The following GUCY2C variants were observed in gnomAD, a reference collection of about 807,000 sequenced individuals.
GUCY2C encodes guanylate cyclase 2C, also known as guanylyl cyclase C.
Under a neutral mutation model 131.1 loss-of-function variants are expected in GUCY2C, and 118 were observed. The observed-to-expected ratio is 0.90, with a 90% CI of 0.78 to 1.05. GUCY2C has a LOEUF of 1.05. Among genes scored for constraint, GUCY2C ranks in the 50% least tolerant of loss-of-function variants. GUCY2C has a pLI of 0.00. For missense variants in GUCY2C, 1,161 were observed against 1,304.4 expected (o/e 0.89, Z 1.69); for synonymous variants, 452 against 457.8 (o/e 0.99, Z 0.16).
chr12:14,683,610 A>G (rs1409407978), intron 3 of GUCY2C, among the ~76,000 whole-genome samples: 7 of 151,988 alleles, frequency 4.6e-5, no homozygotes, highest in South Asian at 2.1e-4. Flanking sequence ...TGTAAAGCCA[A>G]AAAGATGCCA....
At chr12:14,657,682 T>C (rs891852275) in intron 11 of GUCY2C, among the ~76,000 whole-genome samples, 2 of 152,180 alleles carry the variant, frequency 1.3e-5, no homozygotes, top group African/African-American at 4.8e-5. Context: ...ATCCAGGTTG[T>C]GCACTCCTTA....
In GUCY2C at chr12:14,614,971, C is replaced by T. The variant is rs749848252; in HGVS notation, c.2971-28G>A. The T allele has an allele frequency of 3.0e-5, 40 of 1,336,358 alleles. 1 individual carries two copies. The highest frequency in any genetic ancestry group is 4.9e-5 in the East Asian group (2 of 40,632). 82.8% of individuals were successfully genotyped at this position (1,336,358 alleles called of 1,614,324 possible). The stretch of plus-strand genomic sequence containing the variant: ...GGTAAGACAAAAGAGTTACGTACCA[C>T]GGAGTCCAAGGAGTCAGTTCAGTTG... On this transcript the variant is annotated intron_variant, in intron 25 of 26. Coordinates refer to ENST00000261170, the MANE Select transcript of GUCY2C (RefSeq NM_004963.4).
At chr12:14,625,731 C>T (rs1238666146) in intron 21 of GUCY2C, 26 bp downstream of exon 21, 1 of 1,610,108 alleles carries the variant, frequency 6.2e-7, no homozygotes, top group Non-Finnish European at 8.5e-7. Flanking sequence ...GGATTTCAGC[C>T]TCCACATCAG....
At chr12:14,673,789 TA>T (rs773092314) in intron 8 of GUCY2C, among the ~76,000 whole-genome samples, 2 of 152,172 alleles carry the variant, frequency 1.3e-5, no homozygotes, top group African/African-American at 2.4e-5. Flanking sequence ...AGAGTGCATA[TA>T]AAGTGCCTGG....
chr12:14,696,465 G>T lies in GUCY2C; in HGVS notation c.-17C>A. 6.3e-7 allele frequency: 1 copy of T among 1,595,654 alleles called. No individual in the cohort carries two copies. The highest frequency in any genetic ancestry group is 1.1e-5 in the South Asian group (1 of 90,646). On this transcript the variant is annotated 5_prime_UTR_variant, in exon 1 of 27. Transcript: ENST00000261170. ...CGTCTTCATGACCCCAATCACGTTAGAACCATACTCCTTGTGCCCACTTGC... is the reference window on the plus strand; with the variant it reads ...CGTCTTCATGACCCCAATCACGTTATAACCATACTCCTTGTGCCCACTTGC...
In GUCY2C at chr12:14,613,400, T is replaced by G; in HGVS notation, c.3048-109A>C. 1 of 812,644 alleles carries G rather than the reference T, an allele frequency of 1.2e-6. No individual in the cohort carries two copies. The highest frequency in any genetic ancestry group is 2.1e-6 in the Non-Finnish European group (1 of 480,822). 50.3% of individuals were successfully genotyped at this position (812,644 alleles called of 1,614,324 possible). A position where few individuals can be genotyped will look rare whatever the true frequency, so the allele number is the denominator to read the frequency against. On this transcript the variant is annotated intron_variant, in intron 26 of 26. Coordinates refer to ENST00000261170, the MANE Select transcript of GUCY2C (RefSeq NM_004963.4). This position sits in a 1 kb window ranked among gnomAD's most constrained non-coding sequence, Gnocchi z 4.9. ...TAGTCAGTTACTCTTTGAATGCCTA[T>G]TCTGTGCTAGACACAGGAAATCCAA...
At chr12:14,689,749 C>A (rs996868177) in intron 1 of GUCY2C, among the ~76,000 whole-genome samples, 1 of 152,128 alleles carries the variant, frequency 6.6e-6, no homozygotes, top group African/African-American at 2.4e-5. Flanking sequence ...AATGTTAAAT[C>A]CAAAATTTAT....
Position 14,678,599 on chromosome 12 carries a change from A to G in GUCY2C, c.830+1058T>C, listed in dbSNP as rs559922566. 4.2e-4 allele frequency among the ~76,000 whole-genome samples: 64 copies of G among 152,328 alleles called. 2 individuals carry two copies. The South Asian group carries it at 0.013, about 30-fold the overall frequency. On this transcript the variant is annotated intron_variant, in intron 6 of 26. Coordinates refer to ENST00000261170, the MANE Select transcript of GUCY2C (RefSeq NM_004963.4). ...ACCTTCATGAACGTGTAGCCATCAA[A>G]CAGGCCTGCAGTTCCTATACTTCAT...
chr12:14,672,272 A>G (rs369890125), intron 9 of GUCY2C: 5 of 152,302 alleles, frequency 3.3e-5, no homozygotes, highest in African/African-American at 9.6e-5. Flanking sequence ...CCAGCCGTCA[A>G]TGGTGTGCCA....
Position 14,681,402 on chromosome 12 carries a change from A to T in GUCY2C, c.687T>A (p.Asp229Glu), listed in dbSNP as rs1466621758. The change falls in exon 5 of 27, where the codon GAT (aspartate) becomes GAA (glutamate). Residue 229 changes from aspartate (D) to glutamate (E), a missense_variant. Transcript: ENST00000261170. Reference sequence around the variant, plus strand: ...CCATTAAGATATCCTGAAACTCCTTATCTTGTCTTAACACCACCTTAAAGC... The same window carrying T: ...CCATTAAGATATCCTGAAACTCCTTTTCTTGTCTTAACACCACCTTAAAGC... ...ELGFKVVLRQ[D>E]KEFQDILMDH... 3 of 1,612,274 alleles carry T rather than the reference A, an allele frequency of 1.9e-6. No individual in the cohort carries two copies. The highest frequency in any genetic ancestry group is 2.2e-5 in the South Asian group (2 of 91,032).
chr12:14,648,150 CG>C (rs1249685786), intron 15 of GUCY2C, among the ~76,000 whole-genome samples: 2 of 151,648 alleles, frequency 1.3e-5, no homozygotes, highest in East Asian at 3.9e-4. Flanking sequence ...TTATTAGAGA[CG>C]GGGTTTCACT....
At chr12:14,620,782 A>G (rs2136980090) in intron 23 of GUCY2C, among the ~76,000 whole-genome samples, 1 of 152,110 alleles carries the variant, frequency 6.6e-6, no homozygotes, top group East Asian at 1.9e-4. Flanking sequence ...TAGGAGTCCA[A>G]AGCTTCTTGT....
At chr12:14,691,249 A>C (rs192887714) in intron 1 of GUCY2C, among the ~76,000 whole-genome samples, 70 of 152,304 alleles carry the variant, frequency 4.6e-4, no homozygotes, top group Non-Finnish European at 8.2e-4. Context: ...GGACTAGCCA[A>C]ATAGGAGACT....
intron 10 of GUCY2C, among the ~76,000 whole-genome samples, chr12:14,664,265 C>G (rs1947925068): frequency 6.6e-6 from 1 of 152,154 alleles, no homozygotes; most frequent in African/African-American, 2.4e-5. Flanking sequence ...ATCACTATCA[C>G]CACTATTGCC....
chr12:14,622,173 C>A lies in GUCY2C; in HGVS notation c.2433G>T (p.Glu811Asp). Residue 811 changes from glutamate to aspartate, a missense_variant, in exon 22 of 27, where the codon GAG (glutamate) becomes GAT (aspartate). Transcript: ENST00000261170. ...ATAGTTCCGGCTCCACAAAGCCTTT[C>A]TCCTTCAGAGACTTTACCACTAGCC... ...LPRLVVKSLK[E>D]KGFVEPELYE... 3 of 1,572,952 alleles carry A rather than the reference C, an allele frequency of 1.9e-6. No individual in the cohort carries two copies. Among genetic ancestry groups the A allele is most frequent in the Non-Finnish European group, 2.6e-6 (3 of 1,163,724 alleles).
chr12:14,689,887 G>A (rs1234625475), intron 1 of GUCY2C, among the ~76,000 whole-genome samples: 2 of 152,204 alleles, frequency 1.3e-5, no homozygotes, highest in African/African-American at 4.8e-5. Flanking sequence ...CCCTCAGGAA[G>A]TTCCCTGCAG....
At chr12:14,693,970 C>A (rs1948617528) in intron 1 of GUCY2C, among the ~76,000 whole-genome samples, 1 of 152,192 alleles carries the variant, frequency 6.6e-6, no homozygotes, top group Non-Finnish European at 1.5e-5. Context: ...ACAATAAGAA[C>A]AACTACATTA....
chr12:14,659,252 C>T (rs950018851), intron 11 of GUCY2C, among the ~76,000 whole-genome samples: 5 of 152,096 alleles, frequency 3.3e-5, no homozygotes, highest in African/African-American at 1.2e-4. Context: ...ACCATGTTGG[C>T]CAGGCTGGTC....
intron 1 of GUCY2C, among the ~76,000 whole-genome samples, chr12:14,688,765 G>A (rs1592149596): frequency 1.3e-5 from 2 of 152,314 alleles, no homozygotes; most frequent in South Asian, 4.1e-4. Context: ...GGGGGAGCTG[G>A]GACCTGCGTG....
Sources: gnomAD v4.1 joint callset for allele counts (sites outside exome capture counted in the v4.1 genomes callset) on GRCh38, gnomAD v4.1.1 for gene constraint, Gnocchi (gnomAD v3.1) non-coding constraint, MANE v1.5 for transcripts, NCBI Gene and HGNC (gene_info 2026-07-23, HGNC 2026-07-21) for gene names.